CLN8: variants seen among roughly 807,000 people sequenced by gnomAD.
CLN8 encodes the protein protein CLN8.
CLN8 carries 14 observed loss-of-function variants against 15.7 expected under a neutral mutation model. The observed-to-expected ratio is 0.89, with a 90% CI of 0.59 to 1.39. The LOEUF (loss-of-function observed/expected upper bound fraction) is 1.39. Ranked by LOEUF, CLN8 falls within the 40% of genes most tolerant of loss-of-function variation. CLN8 has a pLI of 0.00. For synonymous variants in CLN8, 188 were observed against 151.0 expected (o/e 1.25, Z -1.80); for missense variants, 415 against 364.0 (o/e 1.14, Z -1.14).
intron 2 of CLN8, among the ~76,000 whole-genome samples, chr8:1,776,525 C>A (rs189788514): frequency 3.9e-5 from 6 of 151,976 alleles, no homozygotes; most frequent in Admixed American, 3.3e-4. Flanking sequence ...CCAGTACACA[C>A]ACACACGTGA....
upstream of CLN8, chr8:1,762,863 T>C (rs1800835309): frequency 6.6e-6 from 1 of 152,228 alleles, no homozygotes; most frequent in Non-Finnish European, 1.5e-5. Context: ...TCGCATGCTA[T>C]CGGTTCTTTC....
chr8:1,778,312 A>G (rs1047549754), intron 2 of CLN8, among the ~76,000 whole-genome samples: 7 of 152,244 alleles, frequency 4.6e-5, no homozygotes, highest in South Asian at 2.1e-4. Context: ...GCCTAACTCT[A>G]TAATTTCACA....
At chr8:1,779,957 G>T in intron 2 of CLN8, 1 of 985,430 alleles carries the variant, frequency 1.0e-6, no homozygotes, top group Non-Finnish European at 1.2e-6. Flanking sequence ...GATACTGAAA[G>T]AAAGGTTGAA....
rs748573529 is a variant in CLN8 at position 1,771,321 on chromosome 8, T to C, written c.267T>C (p.Pro89=). The change falls in exon 2 of 3, where the codon CCT becomes CCC. Residue 89 remains proline, a synonymous_variant. Transcript: ENST00000331222. ...GCCTGTGGGCTCTGCTGGGGGACCC[T>C]GTGCTGCATGCCGACAAGGCGCGTG... is the stretch of plus-strand genomic sequence containing the variant. ...AAGLWALLGD[P]VLHADKARGQ... is the part of the protein sequence containing the mutation. 5.0e-6 allele frequency: 8 copies of C among 1,614,082 alleles called. No individual in the cohort carries two copies.
intron 1 of CLN8, among the ~76,000 whole-genome samples, chr8:1,769,841 G>A (rs541608850): frequency 6.6e-6 from 1 of 152,274 alleles, no homozygotes; most frequent in South Asian, 2.1e-4. Flanking sequence ...GCATCAGGCA[G>A]AGGAGATGCT....
chr8:1,774,721 G>A (rs916239300), intron 2 of CLN8, among the ~76,000 whole-genome samples: 8 of 152,142 alleles, frequency 5.3e-5, no homozygotes, highest in African/African-American at 1.9e-4. Flanking sequence ...GGCCAAGTGC[G>A]GTGGCTCACA....
In CLN8 at chr8:1,780,948, C is replaced by A; in HGVS notation, c.*381C>A. ...GTGGGTCAGCGTTGACTCTTTCCAG[C>A]TGCACACTCATATGCCGTGTGTCTT... On this transcript the variant is annotated 3_prime_UTR_variant, in exon 3 of 3. Transcript: ENST00000331222. 3.3e-6 allele frequency: 1 copy of A among 302,704 alleles called. No individual in the cohort carries two copies. The highest frequency in any genetic ancestry group is 6.2e-6 in the Non-Finnish European group (1 of 160,940). 18.8% of individuals were successfully genotyped at this position (302,704 alleles called of 1,614,324 possible).
rs1275086333 is a variant in CLN8 at position 1,780,560 on chromosome 8, G to C, written c.854G>C (p.Arg285Thr). ...AACGGGCAGCTGCTGCGGAAGAAGA[G>C]GCCATAGCTGCTCCAGCCGGGGCTC... ...EGNGQLLRKK[R>T]P The change falls in exon 3 of 3, where the codon AGG becomes ACG. Residue 285 changes from arginine (R) to threonine (T), a missense_variant. Physicochemically the swap from Arg to Thr is moderately conservative, Grantham distance 71 (BLOSUM62 -1). Coordinates refer to ENST00000331222, the MANE Select transcript of CLN8 (RefSeq NM_018941.4). 1.2e-6 allele frequency: 2 copies of C among 1,613,126 alleles called. No individual in the cohort carries two copies. The highest frequency in any genetic ancestry group is 2.7e-5 in the African/African-American group (2 of 74,938).
intron 2 of CLN8, among the ~76,000 whole-genome samples, chr8:1,775,741 T>A (rs1212131348): frequency 6.6e-6 from 1 of 152,190 alleles, no homozygotes; most frequent in Non-Finnish European, 1.5e-5. Context: ...GTGTGGGGCC[T>A]TCCAGCTACT....
intron 1 of CLN8, among the ~76,000 whole-genome samples, chr8:1,757,924 G>A (rs531359261): frequency 2.1e-4 from 32 of 152,212 alleles, no homozygotes; most frequent in African/African-American, 7.2e-4. Context: ...ATTCAGGATC[G>A]TCTAGCTTTC....
At chr8:1,757,144 G>A (rs1585116822) in intron 1 of CLN8, among the ~76,000 whole-genome samples, 2 of 152,298 alleles carry the variant, frequency 1.3e-5, no homozygotes, top group East Asian at 1.9e-4. Context: ...GTTTTTAAGC[G>A]GAGGTGTGTC....
chr8:1,765,584 A>G (rs897180699), intron 1 of CLN8, among the ~76,000 whole-genome samples: 2 of 152,234 alleles, frequency 1.3e-5, no homozygotes, highest in Admixed American at 6.5e-5. Context: ...TTGTCAGGTT[A>G]TATTTCAGTC....
chr8:1,769,638 T>C (rs1801220141), intron 1 of CLN8, among the ~76,000 whole-genome samples: 1 of 152,186 alleles, frequency 6.6e-6, no homozygotes, highest in Admixed American at 6.5e-5. Flanking sequence ...TGTGCCTGGG[T>C]TTCCTGCCGT....
chr8:1,753,579 A>AAAG (rs1800601082), upstream of CLN8, among the ~76,000 whole-genome samples: 2 of 145,334 alleles, frequency 1.4e-5, 1 homozygote, highest in Admixed American at 1.4e-4. Flanking sequence ...CAAAAAAAAA[A>AAAG]AAAAAAGAAA....
At chr8:1,753,278 T>C (rs1484911760), upstream of CLN8, among the ~76,000 whole-genome samples, 2 of 149,498 alleles carry the variant, frequency 1.3e-5, no homozygotes, top group African/African-American at 2.5e-5. Context: ...TTTTGAAATT[T>C]TGTCATTCCT....
intron 2 of CLN8, among the ~76,000 whole-genome samples, chr8:1,778,200 C>CT (rs1223524324): frequency 4.6e-5 from 7 of 152,360 alleles, no homozygotes; most frequent in African/African-American, 1.7e-4. Flanking sequence ...ATGTCAGGGA[C>CT]TGCCCCAGGC....
chr8:1,775,232 A>T (rs796253330), intron 2 of CLN8, among the ~76,000 whole-genome samples: 43 of 152,314 alleles, frequency 2.8e-4, no homozygotes, highest in African/African-American at 8.7e-4. Context: ...TAATCTACAG[A>T]TGATTTAAGG....
chr8:1,765,767 C>T (rs1221615092), intron 1 of CLN8, among the ~76,000 whole-genome samples: 1 of 152,150 alleles, frequency 6.6e-6, no homozygotes, highest in African/African-American at 2.4e-5. Flanking sequence ...ATTGTCTTTT[C>T]TTCTTGATGG....
In CLN8 at chr8:1,780,962, G is replaced by A. The variant is rs1801697369; in HGVS notation, c.*395G>A. Reference sequence around the variant, plus strand: ...ACTCTTTCCAGCTGCACACTCATATGCCGTGTGTCTTATTCAGAAGTCACA... The same window carrying A: ...ACTCTTTCCAGCTGCACACTCATATACCGTGTGTCTTATTCAGAAGTCACA... On this transcript the variant is annotated 3_prime_UTR_variant, in exon 3 of 3. Coordinates refer to ENST00000331222, the MANE Select transcript of CLN8 (RefSeq NM_018941.4). The A allele has an allele frequency of 4.0e-6, 1 of 251,310 alleles. No individual in the cohort carries two copies. The highest frequency in any genetic ancestry group is 2.2e-5 in the African/African-American group (1 of 44,902). The allele number at this position is 251,310 out of a possible 1,614,324, so 15.6% of individuals were successfully genotyped here.
Sources: allele counts gnomAD v4.1 joint callset (sites outside exome capture counted in the v4.1 genomes callset), GRCh38; gene constraint gnomAD v4.1.1; transcripts MANE v1.5; gene names NCBI Gene and HGNC (gene_info 2026-07-23, HGNC 2026-07-21).